Variants in CSPG4 observed in about 807,000 individuals in gnomAD.
CSPG4 encodes the protein chondroitin sulfate proteoglycan 4 (melanoma-associated).
A neutral mutation model predicts 139.3 loss-of-function variants in CSPG4; 74 were observed. The observed-to-expected ratio is 0.53, with a 90% CI of 0.44 to 0.64. CSPG4 has a LOEUF of 0.64. Among genes scored for constraint, CSPG4 ranks in the 30% least tolerant of loss-of-function variants. The pLI, the probability that CSPG4 is intolerant of heterozygous loss-of-function variation, is 0.00. For missense variants in CSPG4, 2,565 were observed against 3,148.3 expected (o/e 0.81, Z 4.43); for synonymous variants, 1,234 against 1,394.2 (o/e 0.89, Z 2.56).
rs751871470 is a variant in CSPG4, at chr15:75,677,048, G to A, written c.5471C>T (p.Thr1824Met). Residue 1824 changes from threonine to methionine, a missense_variant, in exon 10 of 10, where the codon ACG becomes ATG. Transcript: ENST00000308508. ...GGGCCGCTCATTTACATCCCTCACC[G>A]TGATGGCAAAGGCCTCTGAGGTTTG... ...GPQTSEAFAI[T>M]VRDVNERPPQ... The A allele has an allele frequency of 8.4e-6, 12 of 1,424,926 alleles. No individual in the cohort carries two copies. The highest frequency in any genetic ancestry group is 7.8e-5 in the East Asian group (3 of 38,322). The allele number at this position is 1,424,926 out of a possible 1,614,324, so 88.3% of individuals were successfully genotyped here.
rs761469166 is a variant in CSPG4, at chr15:75,687,945, G to A, written c.3120C>T (p.Asp1040=). Residue 1040 remains aspartate (D), a synonymous_variant, in exon 3 of 10, where the codon GAC becomes GAT. Coordinates refer to ENST00000308508, the MANE Select transcript of CSPG4 (RefSeq NM_001897.5). This position sits in a 1 kb window ranked among gnomAD's most constrained non-coding sequence, Gnocchi z 5.4. The stretch of plus-strand genomic sequence containing the variant: ...AGTCAGCATCGCTGAAGGCCACGTC[G>A]TCTGTAGTCAGCAGCCGCCGCCCAC... The part of the protein sequence containing the change: ...ARGGRRLLTT[D]DVAFSDADSG... 20 of 1,612,808 alleles carry A rather than the reference G, an allele frequency of 1.2e-5. No individual in the cohort carries two copies. Among genetic ancestry groups the A allele is most frequent in the South Asian group, 4.4e-5 (4 of 91,078 alleles).
chr15:75,680,585 G>T (rs1893959767), intron 8 of CSPG4: 1 of 152,876 alleles, frequency 6.5e-6, no homozygotes, highest in African/African-American at 2.4e-5. Context: ...AGTGGGAGTG[G>T]GAGCTGATGC....
intron 5 of CSPG4, 27 bp downstream of exon 5, chr15:75,684,709 T>A: frequency 6.3e-7 from 1 of 1,598,550 alleles, no homozygotes; most frequent in Non-Finnish European, 8.6e-7. Flanking sequence ...GAAGCAGACA[T>A]GGGGGTGTTC....
rs574288128 is a variant in CSPG4 at position 75,695,509 on chromosome 15, C to G, written c.89-2276G>C. On this transcript the variant is annotated intron_variant, in intron 1 of 9. Transcript: ENST00000308508. ...TGGAGCGCGTGGCCAGGCAGCCCCC[C>G]ACCCCAACAGAGGCCTCTGAGGCCT... Among the ~76,000 whole-genome samples the G allele has an allele frequency of 3.3e-3, 504 of 152,306 alleles. 2 individuals are homozygous for G. Among genetic ancestry groups the G allele is most frequent in the Non-Finnish European group, 5.5e-3 (373 of 68,028 alleles).
At chr15:75,711,565 G>T (rs555189950) in intron 1 of CSPG4, among the ~76,000 whole-genome samples, 76 of 152,388 alleles carry the variant, frequency 5.0e-4, no homozygotes, top group Non-Finnish European at 3.1e-4. Context: ...GATTCACCCC[G>T]CGGGGGTCCT....
chr15:75,699,177 G>A (rs1441758399), intron 1 of CSPG4, among the ~76,000 whole-genome samples: 1 of 152,180 alleles, frequency 6.6e-6, no homozygotes, highest in Non-Finnish European at 1.5e-5. Context: ...ATCATCTCAG[G>A]AGACACTGCT....
In CSPG4 at chr15:75,689,083, G is replaced by A. The variant is rs71401701; in HGVS notation, c.1982C>T (p.Pro661Leu). 1.0e-5 allele frequency: 16 copies of A among 1,606,666 alleles called. No homozygotes were observed. The Middle Eastern group carries it at 8.3e-4, about 83-fold the overall frequency. The change falls in exon 3 of 10, where the codon CCG becomes CTG. Residue 661 changes from proline (P) to leucine (L), a missense_variant. By Grantham distance (98) the Pro-to-Leu change is moderately conservative (BLOSUM62 -3). Around this residue, in one of 5 missense-constraint regions of CSPG4, gnomAD observed 2,316 missense variants for 2,818.2 expected, o/e 0.82. Transcript: ENST00000308508. ...TGTGCTGCGGTGGATCTGTATGGCC[G>A]GCCGGATGGCCACCACCTTCAGCGT... ...PATLKVVAIR[P>L]AIQIHRSTGL...
Position 75,682,427 on chromosome 15 carries a change from TGAG to T in CSPG4, c.4813_4815del (p.Leu1605del). On this transcript the variant is annotated inframe_deletion, in exon 8 of 10. Transcript: ENST00000308508. ...TCAGTGCCTGCGCTGGAGCTGGCCC[TGAG>T]GGTCTGACTGCTGAGTGGCTGGACG... The T allele has an allele frequency of 6.3e-7, 1 of 1,590,388 alleles. No individual in the cohort carries two copies. The highest frequency in any genetic ancestry group is 8.5e-7 in the Non-Finnish European group (1 of 1,175,536).
chr15:75,706,429 ATG>A lies in CSPG4; in HGVS notation c.88+6237_88+6238del, dbSNP rs550570670. 5.1e-3 allele frequency among the ~76,000 whole-genome samples: 779 copies of A among 151,544 alleles called. 6 individuals are homozygous for A. Among genetic ancestry groups the A allele is most frequent in the African/African-American group, 0.018 (735 of 41,352 alleles). On this transcript the variant is annotated intron_variant, in intron 1 of 9. Transcript: ENST00000308508. ...TGTATGTATGTGTGTGTGAATGTGT[ATG>A]TGTGTGTGTGAGTGTGTGTGTGCAC...
intron 1 of CSPG4, among the ~76,000 whole-genome samples, chr15:75,712,015 T>C (rs1894453159): frequency 1.3e-5 from 2 of 150,182 alleles, no homozygotes; most frequent in African/African-American, 4.9e-5. Context: ...GCTCTCCCTC[T>C]AGGAGGCTGA....
chr15:75,709,624 C>T (rs369168197), intron 1 of CSPG4, among the ~76,000 whole-genome samples: 2 of 152,172 alleles, frequency 1.3e-5, no homozygotes, highest in African/African-American at 2.4e-5. Flanking sequence ...CATCTGTGTG[C>T]GCCAGTAAGT....
Position 75,690,435 on chromosome 15 carries a change from G to A in CSPG4, c.630C>T (p.His210=). 2 of 1,607,894 alleles carry A rather than the reference G, an allele frequency of 1.2e-6. No individual in the cohort carries two copies. The highest frequency in any genetic ancestry group is 1.7e-6 in the Non-Finnish European group (2 of 1,177,532). The change falls in exon 3 of 10, where the codon CAC becomes CAT. Residue 210 remains histidine, a synonymous_variant. Coordinates refer to ENST00000308508, the MANE Select transcript of CSPG4 (RefSeq NM_001897.5). The stretch of plus-strand genomic sequence containing the variant: ...CCCAGGCAGGGAAGGCAGCCAGAGA[G>A]TGGGGCCCAGAGAAGCCCAGGGCCA... ...DDVALGFSGP[H]SLAAFPAWGT...
In CSPG4 at chr15:75,675,431, G is replaced by T; in HGVS notation, c.*119C>A. On this transcript the variant is annotated 3_prime_UTR_variant, in exon 10 of 10. Coordinates refer to ENST00000308508, the MANE Select transcript of CSPG4 (RefSeq NM_001897.5). Reference sequence around the variant, plus strand: ...TCTCCCAGGACCCTCCACCCCTGGTGTCTCCAGGTCTCTCTTGCTCTGGGG... The same window carrying T: ...TCTCCCAGGACCCTCCACCCCTGGTTTCTCCAGGTCTCTCTTGCTCTGGGG... 1.8e-6 allele frequency: 2 copies of T among 1,139,482 alleles called. No homozygotes were observed. Among genetic ancestry groups the T allele is most frequent in the Admixed American group, 6.7e-5 (2 of 29,940 alleles). 70.6% of individuals were successfully genotyped at this position (1,139,482 alleles called of 1,614,324 possible). A position where few individuals can be genotyped will look rare whatever the true frequency, so the allele number is the denominator to read the frequency against.
chr15:75,674,509 G>T lies in CSPG4; in HGVS notation c.*1041C>A. Reference sequence around the variant, plus strand: ...GAAGTTCAGAGGCCTGCCTGGCCCTGTCCATCCCACTGGCTGAGGCCAGGC... The same window carrying T: ...GAAGTTCAGAGGCCTGCCTGGCCCTTTCCATCCCACTGGCTGAGGCCAGGC... On this transcript the variant is annotated 3_prime_UTR_variant, in exon 10 of 10. Transcript: ENST00000308508. The T allele has an allele frequency of 2.6e-6, 1 of 383,170 alleles. No homozygotes were observed. The highest frequency in any genetic ancestry group is 4.5e-5 in the Admixed American group (1 of 22,154). The allele number at this position is 383,170 out of a possible 1,614,324, so 23.7% of individuals were successfully genotyped here. A position where few individuals can be genotyped will look rare whatever the true frequency, so the allele number is the denominator to read the frequency against.
chr15:75,690,133 C>A lies in CSPG4; in HGVS notation c.932G>T (p.Gly311Val). The change falls in exon 3 of 10, where the codon GGA becomes GTA. Residue 311 changes from glycine (G) to valine (V), a missense_variant. This residue lies in a region of CSPG4 where 2,316 missense variants were observed against 2,818.2 expected (regional missense o/e 0.82). Coordinates refer to ENST00000308508, the MANE Select transcript of CSPG4 (RefSeq NM_001897.5). ...DQYPTHTSNR[G>V]VLSYLEPRGS... ...CCGTGGCTCCAGGTAGCTGAGGACT[C>A]CTCGGTTCGAAGTATGCGTAGGGTA... 3.7e-6 allele frequency: 6 copies of A among 1,613,006 alleles called. No homozygotes were observed. In the South Asian group the frequency reaches 5.5e-5, roughly 15 times the overall value.
chr15:75,712,782 C>T lies in CSPG4; in HGVS notation c.-27G>A, dbSNP rs563016906. ...CCGGCGGGCTGGGCGGCAGGACTTG[C>T]GAGGAGCCAGCGGAGTCCTGGGAGC... On this transcript the variant is annotated 5_prime_UTR_variant, in exon 1 of 10. Coordinates refer to ENST00000308508, the MANE Select transcript of CSPG4 (RefSeq NM_001897.5). 6.4e-5 allele frequency: 98 copies of T among 1,526,516 alleles called. 1 individual carries two copies. The highest frequency in any genetic ancestry group is 8.0e-5 in the Non-Finnish European group (91 of 1,135,018). 94.6% of individuals were successfully genotyped at this position (1,526,516 alleles called of 1,614,324 possible). A position where few individuals can be genotyped will look rare whatever the true frequency, so the allele number is the denominator to read the frequency against.
chr15:75,687,675 G>A lies in CSPG4; in HGVS notation c.3390C>T (p.Ala1130=). Residue 1130 remains alanine (A), a synonymous_variant, in exon 3 of 10, where the codon GCC becomes GCT. Coordinates refer to ENST00000308508, the MANE Select transcript of CSPG4 (RefSeq NM_001897.5). The surrounding 1 kb of genome is among the most constrained non-coding windows in gnomAD (Gnocchi z 5.4). The part of the protein sequence containing the change: ...VQASEPYLRV[A]NGSSLVVPQG... ...GAGGGACCACAAGGCTGGAGCCGTT[G>A]GCCACACGGAGGTAGGGTTCCGAGG... The A allele has an allele frequency of 6.2e-7, 1 of 1,612,920 alleles. No homozygotes were observed. Among genetic ancestry groups the A allele is most frequent in the South Asian group, 1.1e-5 (1 of 91,074 alleles).
At position 75,687,301 on chromosome 15, in the gene CSPG4, G is replaced by A; in HGVS notation, c.3764C>T (p.Ala1255Val). 6.2e-7 allele frequency: 1 copy of A among 1,611,332 alleles called. No homozygotes were observed. The highest frequency in any genetic ancestry group is 1.3e-5 in the African/African-American group (1 of 75,028). ...KKIYVFQGEAAEIRRDQLEAA... is the reference protein window; with the variant it reads ...KKIYVFQGEAVEIRRDQLEAA... Reference sequence around the variant, plus strand: ...CTCCAGCTGGTCCCTTCTGATCTCAGCTGCCTCTCCCTGGAAGACGTAGAT... The same window carrying A: ...CTCCAGCTGGTCCCTTCTGATCTCAACTGCCTCTCCCTGGAAGACGTAGAT... The change falls in exon 3 of 10, where the codon GCT becomes GTT. Residue 1255 changes from alanine (A) to valine (V), a missense_variant. Coordinates refer to ENST00000308508, the MANE Select transcript of CSPG4 (RefSeq NM_001897.5). The surrounding 1 kb of genome is among the most constrained non-coding windows in gnomAD (Gnocchi z 5.4).
Position 75,685,612 on chromosome 15 carries a change from G to A in CSPG4, c.3879C>T (p.Gly1293=), listed in dbSNP as rs148235400. The A allele has an allele frequency of 3.0e-4, 490 of 1,609,844 alleles. 2 individuals are homozygous for A. The East Asian group carries it at 7.5e-3, about 25-fold the overall frequency. Residue 1293 remains glycine, a synonymous_variant, in exon 4 of 10, where the codon GGC becomes GGT. Transcript: ENST00000308508. The part of the protein sequence containing the change: ...SAGYLVMVSR[G]ALADEPPSLD... ...GGCTGGGTGGCTCATCTGCCAAGGC[G>A]CCACGCGACACCATCACCAGGTAGC...
Sources: allele counts gnomAD v4.1 joint callset (sites outside exome capture counted in the v4.1 genomes callset), GRCh38; gene constraint gnomAD v4.1.1; regional missense constraint gnomAD v4.1.1; non-coding constraint Gnocchi (gnomAD v3.1); transcripts MANE v1.5; gene names NCBI Gene and HGNC (gene_info 2026-07-23, HGNC 2026-07-21).